Variants in ANO10 observed in about 807,000 individuals in gnomAD.
ANO10 encodes anoctamin-10.
A neutral mutation model predicts 74.7 loss-of-function variants in ANO10; 77 were observed. That is an observed-to-expected ratio of 1.03 (90% CI 0.86 to 1.25). ANO10 has a LOEUF of 1.25. Ranked by LOEUF, ANO10 falls within the 50% of genes most tolerant of loss-of-function variation. The probability of loss-of-function intolerance (pLI) is 0.00; values close to 1 mark genes in which losing one functional copy is unlikely to be tolerated. For missense variants in ANO10, 721 were observed against 778.1 expected, an observed-to-expected ratio of 0.93 and a Z score of 0.87; for synonymous variants, 279 against 284.9, an observed-to-expected ratio of 0.98 and a Z score of 0.21.
At chr3:43,514,847 G>C (rs571953072) in intron 11 of ANO10, among the ~76,000 whole-genome samples, 141 of 152,294 alleles carry the variant, frequency 9.3e-4, no homozygotes, top group Middle Eastern at 3.4e-3. Context: ...CCAGTATCTG[G>C]AAACTAACAT....
At chr3:43,533,861 T>C (rs1017648642) in intron 11 of ANO10, among the ~76,000 whole-genome samples, 6 of 152,238 alleles carry the variant, frequency 3.9e-5, no homozygotes, top group Non-Finnish European at 5.9e-5. Context: ...TTCCTTTACA[T>C]TGAAAATTTT....
chr3:43,643,536 G>A (rs923972174), intron 1 of ANO10, among the ~76,000 whole-genome samples: 2 of 151,810 alleles, frequency 1.3e-5, no homozygotes, highest in African/African-American at 4.9e-5. Context: ...GAAATTGGGC[G>A]TCATTTCATA....
At position 43,600,425 on chromosome 3, in the gene ANO10, G is replaced by A; in HGVS notation, c.296C>T (p.Ala99Val). ...GTTCTGTCTGGTTCTGTATGTGAAG[G>A]CTCTCATGGTGTTATCATTGCACTC... ...VKECNDNTMRAFTYRTRQNFK... is the reference protein window; with the variant it reads ...VKECNDNTMRVFTYRTRQNFK... Residue 99 changes from alanine to valine, a missense_variant, in exon 3 of 13, where the codon GCC becomes GTC. By Grantham distance (64) the Ala-to-Val change is moderately conservative (BLOSUM62 0). Transcript: ENST00000292246. The A allele has an allele frequency of 9.3e-6, 15 of 1,614,060 alleles. No homozygotes were observed. Among genetic ancestry groups the A allele is most frequent in the Non-Finnish European group, 1.0e-5 (12 of 1,179,984 alleles).
At chr3:43,691,118 G>T in intron 1 of ANO10, 4 of 1,338,302 alleles carry the variant, frequency 3.0e-6, no homozygotes, top group Non-Finnish European at 3.9e-6. Flanking sequence ...CCAGCGGGCA[G>T]CACCAAGGAG....
intron 11 of ANO10, among the ~76,000 whole-genome samples, chr3:43,496,105 A>G (rs1156266338): frequency 6.6e-6 from 1 of 152,176 alleles, no homozygotes; most frequent in Non-Finnish European, 1.5e-5. Context: ...CACTGTACCT[A>G]TTAAAAGTAG....
chr3:43,460,527 C>A (rs2075331361), intron 11 of ANO10, among the ~76,000 whole-genome samples: 1 of 152,182 alleles, frequency 6.6e-6, no homozygotes, highest in African/African-American at 2.4e-5. Context: ...CTGCACCCTC[C>A]CCCTCTCCCC....
At chr3:43,507,813 G>A (rs948491905) in intron 11 of ANO10, among the ~76,000 whole-genome samples, 6 of 152,088 alleles carry the variant, frequency 3.9e-5, no homozygotes, top group African/African-American at 7.2e-5. Flanking sequence ...ATCTGCACAC[G>A]GGTCTGGTTT....
intron 4 of ANO10, among the ~76,000 whole-genome samples, chr3:43,583,514 A>C (rs1320590464): frequency 6.6e-6 from 1 of 152,244 alleles, no homozygotes; most frequent in African/African-American, 2.4e-5. Context: ...CTCCAAATTA[A>C]CTAATGCAAT....
At chr3:43,380,619 T>C (rs1045458590) in intron 12 of ANO10, among the ~76,000 whole-genome samples, 1 of 152,186 alleles carries the variant, frequency 6.6e-6, no homozygotes, top group Non-Finnish European at 1.5e-5. Context: ...AAAGATACAG[T>C]CTTTTTCAGA....
chr3:43,492,541 T>C (rs749062712), intron 11 of ANO10, among the ~76,000 whole-genome samples: 1 of 152,144 alleles, frequency 6.6e-6, no homozygotes, highest in Non-Finnish European at 1.5e-5. Context: ...AATCTTTCCA[T>C]CTGACAAAGG....
chr3:43,555,215 T>TC, intron 10 of ANO10, 63 bp downstream of exon 10: 1 of 1,539,258 alleles, frequency 6.5e-7, no homozygotes, highest in Admixed American at 1.7e-5. Flanking sequence ...TAATTTTTTT[T>TC]CCCTGTCATA....
At chr3:43,500,209 G>C (rs559760368) in intron 11 of ANO10, among the ~76,000 whole-genome samples, 1 of 152,180 alleles carries the variant, frequency 6.6e-6, no homozygotes, top group African/African-American at 2.4e-5. Context: ...TTTTATCTCA[G>C]AGTTGACAAT....
intron 1 of ANO10, among the ~76,000 whole-genome samples, chr3:43,614,956 G>A (rs1575551089): frequency 6.6e-6 from 1 of 150,466 alleles, no homozygotes; most frequent in South Asian, 2.1e-4. Context: ...CTAAAGTCTG[G>A]TACAAGAATA....
intron 10 of ANO10, among the ~76,000 whole-genome samples, chr3:43,550,127 T>C (rs969282392): frequency 5.9e-5 from 9 of 152,304 alleles, no homozygotes; most frequent in Admixed American, 5.9e-4. Flanking sequence ...TTGGGAATAC[T>C]GTTAAAGTTA....
intron 12 of ANO10, among the ~76,000 whole-genome samples, chr3:43,394,183 T>G (rs1479896906): frequency 6.6e-6 from 1 of 152,156 alleles, no homozygotes. Flanking sequence ...TTGGCCTCCC[T>G]GGAAGAGGGG....
chr3:43,593,635 G>T (rs2081925530), intron 4 of ANO10, among the ~76,000 whole-genome samples: 1 of 151,952 alleles, frequency 6.6e-6, no homozygotes, highest in African/African-American at 2.4e-5. Flanking sequence ...GGAACAACCG[G>T]TACCAGCCAC....
At chr3:43,642,679 C>T (rs1023603031) in intron 1 of ANO10, among the ~76,000 whole-genome samples, 4 of 152,104 alleles carry the variant, frequency 2.6e-5, no homozygotes, top group Admixed American at 2.6e-4. Context: ...TTCATTCCCC[C>T]CACCTCCTAT....
intron 11 of ANO10, among the ~76,000 whole-genome samples, chr3:43,540,850 AGCCAGGGATGTATCATAGTAAT>A (rs1353065960): frequency 6.6e-6 from 1 of 152,226 alleles, no homozygotes; most frequent in Admixed American, 6.5e-5. Flanking sequence ...GCATTCCTGA[AGCCAGGGATGTATCATAGTAAT>A]GCCTAGCATA....
intron 11 of ANO10, among the ~76,000 whole-genome samples, chr3:43,525,422 C>T (rs1431539865): frequency 6.6e-6 from 1 of 152,194 alleles, no homozygotes; most frequent in Non-Finnish European, 1.5e-5. Context: ...CATCTATCTG[C>T]ATGACTATCT....
Sources: gnomAD v4.1 joint callset for allele counts (sites outside exome capture counted in the v4.1 genomes callset) on GRCh38, gnomAD v4.1.1 for gene constraint, MANE v1.5 for transcripts, NCBI Gene and HGNC (gene_info 2026-07-23, HGNC 2026-07-21) for gene names.